MTSS2: variants seen among roughly 807,000 people sequenced by gnomAD.
MTSS2 encodes protein MTSS 2.
MTSS2 carries 27 observed loss-of-function variants against 67.1 expected under a neutral mutation model. The observed-to-expected ratio is 0.40, with a 90% CI of 0.30 to 0.55. The LOEUF is 0.55. MTSS2 is among the 20% of genes least tolerant of loss of function. MTSS2 has a pLI of 0.43. For missense variants in MTSS2, 1,171 were observed against 1,067.8 expected, an observed-to-expected ratio of 1.10 and a Z score of -1.35; for synonymous variants, 624 against 468.6, an observed-to-expected ratio of 1.33 and a Z score of -4.28.
At chr16:70,667,692 G>A (rs139574626) in intron 11 of MTSS2, among the ~76,000 whole-genome samples, 204 of 151,370 alleles carry the variant, frequency 1.3e-3, no homozygotes, top group Non-Finnish European at 2.4e-3. Context: ...GGCCAACATG[G>A]TGAAACACTG....
chr16:70,673,791 A>G (rs965819032), intron 11 of MTSS2, among the ~76,000 whole-genome samples: 3 of 152,146 alleles, frequency 2.0e-5, no homozygotes, highest in African/African-American at 7.2e-5. Context: ...AAAAAAATAT[A>G]TATTAAGGGC....
Position 70,664,438 on chromosome 16 carries a change from CGTA to C in MTSS2, c.1480_1482del (p.Tyr494del). On this transcript the variant is annotated inframe_deletion, in exon 15 of 15. Transcript: ENST00000338779. Reference sequence around the variant, plus strand: ...GCATCCCCATTCACGGAGTAGCAGTCGTAGTCGGAGCCTGGGGGCACGGGACAC... The same window carrying C: ...GCATCCCCATTCACGGAGTAGCAGTCGTCGGAGCCTGGGGGCACGGGACAC... 3 of 1,538,086 alleles carry C rather than the reference CGTA, an allele frequency of 2.0e-6. No individual in the cohort carries two copies. The South Asian group carries it at 3.8e-5, about 20-fold the overall frequency.
intron 10 of MTSS2, among the ~76,000 whole-genome samples, chr16:70,675,754 A>G (rs1199471348): frequency 6.6e-6 from 1 of 152,154 alleles, no homozygotes. Flanking sequence ...AAAATCTGGT[A>G]TTTGCCATCC....
At chr16:70,668,535 A>T (rs1254284161) in intron 11 of MTSS2, among the ~76,000 whole-genome samples, 1 of 152,242 alleles carries the variant, frequency 6.6e-6, no homozygotes, top group Non-Finnish European at 1.5e-5. Flanking sequence ...ACACACCTAC[A>T]GACACCTGAC....
At chr16:70,668,405 C>CA (rs36009172) in intron 11 of MTSS2, among the ~76,000 whole-genome samples, 424 of 140,894 alleles carry the variant, frequency 3.0e-3, no homozygotes, top group Middle Eastern at 0.014. Context: ...GAGACTGTAT[C>CA]AAAAAAAAAA....
intron 11 of MTSS2, 60 bp from the exon 12 acceptor site, chr16:70,665,600 A>C (rs1345241134): frequency 3.7e-5 from 53 of 1,441,518 alleles, no homozygotes; most frequent in Non-Finnish European, 4.5e-5. Context: ...AGCAAGGAGG[A>C]GAGGAGAGAA....
chr16:70,685,492 C>A (rs1235558907), intron 1 of MTSS2, among the ~76,000 whole-genome samples: 1 of 151,142 alleles, frequency 6.6e-6, no homozygotes, highest in African/African-American at 2.4e-5. Flanking sequence ...GGTCAGGACC[C>A]CACGGGGCCA....
In MTSS2 at chr16:70,664,292, G is replaced by A. The variant is rs2052612555; in HGVS notation, c.1629C>T (p.Pro543=). 1.3e-6 allele frequency: 2 copies of A among 1,567,714 alleles called. No homozygotes were observed. Among genetic ancestry groups the A allele is most frequent in the South Asian group, 1.2e-5 (1 of 83,518 alleles). The change falls in exon 15 of 15, where the codon CCC becomes CCT. Residue 543 remains proline (P), a synonymous_variant. Transcript: ENST00000338779. The part of the protein sequence containing the change: ...TKRPASTAGL[P]TAGLPTATGL... ...CAGTGGCCGTGGGCAGCCCCGCGGT[G>A]GGCAGCCCAGCAGTGGAGGCTGGGC...
In MTSS2 at chr16:70,685,750, G is replaced by T. The variant is rs1369000983; in HGVS notation, c.42C>A (p.Leu14=). ...AEKECGALGG[L]FQAIVNDMKS... The stretch of plus-strand genomic sequence containing the variant: ...TCATGTCGTTGACTATGGCCTGGAA[G>T]AGCCCGCCCAGGGCGCCGCACTCCT... Residue 14 remains leucine, a synonymous_variant, in exon 1 of 15, where the codon CTC becomes CTA. Coordinates refer to ENST00000338779, the MANE Select transcript of MTSS2 (RefSeq NM_138383.3). The T allele has an allele frequency of 7.2e-7, 1 of 1,395,060 alleles. No individual in the cohort carries two copies. The allele number at this position is 1,395,060 out of a possible 1,614,324, so 86.4% of individuals were successfully genotyped here. A position where few individuals can be genotyped will look rare whatever the true frequency, so the allele number is the denominator to read the frequency against.
chr16:70,677,836 C>T lies in MTSS2; in HGVS notation c.688G>A (p.Val230Met). 6.2e-7 allele frequency: 1 copy of T among 1,612,482 alleles called. No homozygotes were observed. Among genetic ancestry groups the T allele is most frequent in the Non-Finnish European group, 8.5e-7 (1 of 1,179,640 alleles). ...AGTTTGTGGGGTTCTGCTGTCAGCA[C>T]CACCAAGTCGTCGATGATGCCCTGC... ...HLQGIIDDLV[V>M]LTAEPHKLPP... The change falls in exon 9 of 15, where the codon GTG becomes ATG. Residue 230 changes from valine (V) to methionine (M), a missense_variant. By Grantham distance (21) the Val-to-Met change is conservative. Around this residue, in one of 2 missense-constraint regions of MTSS2, gnomAD observed 924 missense variants for 756.0 expected, o/e 1.22. Coordinates refer to ENST00000338779, the MANE Select transcript of MTSS2 (RefSeq NM_138383.3).
At chr16:70,681,132 G>C (rs2053293630) in intron 1 of MTSS2, 107 bp from the exon 2 acceptor site, 2 of 1,063,918 alleles carry the variant, frequency 1.9e-6, no homozygotes, top group Admixed American at 2.2e-5. Flanking sequence ...CAGTTTCTAA[G>C]ACAGCAGCCC....
At position 70,664,287 on chromosome 16, in the gene MTSS2, G is replaced by T; in HGVS notation, c.1634C>A (p.Ala545Glu). The change falls in exon 15 of 15, where the codon GCG (alanine) becomes GAG (glutamate). Residue 545 changes from alanine to glutamate, a missense_variant. Around this residue, in one of 2 missense-constraint regions of MTSS2, gnomAD observed 924 missense variants for 756.0 expected, o/e 1.22. Transcript: ENST00000338779. ...CAGGCCAGTGGCCGTGGGCAGCCCC[G>T]CGGTGGGCAGCCCAGCAGTGGAGGC... ...RPASTAGLPT[A>E]GLPTATGLPS... 6.4e-7 allele frequency: 1 copy of T among 1,563,252 alleles called. No individual in the cohort carries two copies. The highest frequency in any genetic ancestry group is 8.6e-7 in the Non-Finnish European group (1 of 1,161,586).
chr16:70,664,893 C>T (rs528853290), intron 13 of MTSS2, 27 bp downstream of exon 13: 17 of 1,525,942 alleles, frequency 1.1e-5, no homozygotes, highest in South Asian at 3.7e-5. Context: ...CTGACCTGGG[C>T]GTGAAGGGGG....
At chr16:70,665,567 T>A (rs1398783638) in intron 11 of MTSS2, 27 bp from the exon 12 acceptor site, 5 of 1,539,490 alleles carry the variant, frequency 3.2e-6, no homozygotes, top group Non-Finnish European at 3.5e-6. Context: ...AGCAGGCGGT[T>A]GCAGACAGAG....
At position 70,679,360 on chromosome 16, in the gene MTSS2, G is replaced by A. The variant is rs2053223569; in HGVS notation, c.458-37C>T. On this transcript the variant is annotated intron_variant, in intron 6 of 14. Coordinates refer to ENST00000338779, the MANE Select transcript of MTSS2 (RefSeq NM_138383.3). ...ATGTGGGAGGAGAGGAGGAGAGACA[G>A]AGAAAGAAAGAATGTGTGAAAGACG... 4.3e-6 allele frequency: 7 copies of A among 1,613,162 alleles called. No homozygotes were observed. The East Asian group carries it at 1.6e-4, about 36-fold the overall frequency.
At chr16:70,678,178 C>T in intron 8 of MTSS2, 74 bp downstream of exon 8, 2 of 1,507,530 alleles carry the variant, frequency 1.3e-6, no homozygotes, top group Non-Finnish European at 1.8e-6. Flanking sequence ...TGAGAAGTGA[C>T]CCTTCTTGGA....
At chr16:70,680,174 G>A (rs1462733326) in intron 3 of MTSS2, 119 bp from the exon 4 acceptor site, 10 of 487,554 alleles carry the variant, frequency 2.1e-5, no homozygotes, top group Non-Finnish European at 2.9e-5. Flanking sequence ...CCCTGCCCCC[G>A]CCGAGCCGCA....
chr16:70,670,846 C>T lies in MTSS2; in HGVS notation c.1053+3460G>A, dbSNP rs530755168. Among the ~76,000 whole-genome samples, 29 of 151,704 alleles carry T rather than the reference C, an allele frequency of 1.9e-4. No individual in the cohort carries two copies. In the South Asian group the frequency reaches 2.1e-3, roughly 11 times the overall value. ...TTAGCCAGGCATGATACTGCACACT[C>T]GTAGTCCCAGCTAATTGGGAGGCTG... On this transcript the variant is annotated intron_variant, in intron 11 of 14. Transcript: ENST00000338779.
At chr16:70,664,481 C>A in intron 14 of MTSS2, 32 bp from the exon 15 acceptor site, 1 of 1,540,156 alleles carries the variant, frequency 6.5e-7, no homozygotes, top group African/African-American at 1.4e-5. Context: ...AGGCCCAGGG[C>A]CCAGGTGGCC....
Sources: allele counts gnomAD v4.1 joint callset (sites outside exome capture counted in the v4.1 genomes callset), GRCh38; gene constraint gnomAD v4.1.1; regional missense constraint gnomAD v4.1.1; transcripts MANE v1.5; gene names NCBI Gene and HGNC (gene_info 2026-07-23, HGNC 2026-07-21).